The following NWD2 variants were observed in gnomAD, a reference collection of about 807,000 sequenced individuals.
NWD2 encodes NACHT and WD repeat domain containing 2.
NWD2 carries 37 observed loss-of-function variants against 132.7 expected under a neutral mutation model. That is an observed-to-expected ratio of 0.28 (90% CI 0.21 to 0.37). The LOEUF (loss-of-function observed/expected upper bound fraction) is 0.37. Ranked by LOEUF, NWD2 falls within the 10% of genes least tolerant of loss-of-function variation. The pLI, the probability that NWD2 is intolerant of heterozygous loss-of-function variation, is 1.00. For synonymous variants in NWD2, 705 were observed against 803.0 expected (o/e 0.88, Z 2.06); for missense variants, 1,592 against 2,122.4 (o/e 0.75, Z 4.91).
rs948327530 is a variant in NWD2, at chr4:37,448,655, G to A, written c.*1438G>A. On this transcript the variant is annotated 3_prime_UTR_variant, in exon 7 of 7. Coordinates refer to ENST00000309447, the MANE Select transcript of NWD2 (RefSeq NM_001144990.2). Reference sequence around the variant, plus strand: ...AGAAGTAACACTTTACTAGAATAATGAACAAGGAATTGATTTGCTCTAGGC... The same window carrying A: ...AGAAGTAACACTTTACTAGAATAATAAACAAGGAATTGATTTGCTCTAGGC... 6.6e-6 allele frequency: 1 copy of A among 152,146 alleles called. No individual in the cohort carries two copies. Among genetic ancestry groups the A allele is most frequent in the Non-Finnish European group, 1.5e-5 (1 of 68,004 alleles). The allele number at this position is 152,146 out of a possible 1,614,324, so 9.4% of individuals were successfully genotyped here.
intron 3 of NWD2, among the ~76,000 whole-genome samples, chr4:37,377,731 C>CA (rs552600054): frequency 2.0e-5 from 3 of 150,352 alleles, no homozygotes; most frequent in Admixed American, 2.0e-4. Context: ...AACTCCATCT[C>CA]AAAAAAAAGA....
intron 1 of NWD2, among the ~76,000 whole-genome samples, chr4:37,322,323 G>A (rs1184236251): frequency 6.6e-6 from 1 of 152,176 alleles, no homozygotes; most frequent in African/African-American, 2.4e-5. Context: ...AGTGACTTCT[G>A]TAGATGGAGT....
At chr4:37,276,078 C>G (rs1383715147) in intron 1 of NWD2, among the ~76,000 whole-genome samples, 3 of 152,052 alleles carry the variant, frequency 2.0e-5, no homozygotes, top group Admixed American at 6.5e-5. Flanking sequence ...GCAATGGCAA[C>G]AAAAGCCAAC....
rs112793768 is a variant in NWD2 at position 37,354,037 on chromosome 4, C to T, written c.241-2329C>T. Among the ~76,000 whole-genome samples, 485 of 152,142 alleles carry T rather than the reference C, an allele frequency of 3.2e-3. 3 individuals are homozygous for T. Among genetic ancestry groups the T allele is most frequent in the African/African-American group, 0.011 (471 of 41,528 alleles). On this transcript the variant is annotated intron_variant, in intron 2 of 6. Coordinates refer to ENST00000309447, the MANE Select transcript of NWD2 (RefSeq NM_001144990.2). ...CCTTAGGGTGGGGTGTGTGGACATC[C>T]TTTTTGTTGATGTTGATGCTATTCC... is the stretch of plus-strand genomic sequence containing the variant.
chr4:37,380,241 A>G (rs938118965), intron 3 of NWD2, among the ~76,000 whole-genome samples: 6 of 152,234 alleles, frequency 3.9e-5, no homozygotes, highest in Non-Finnish European at 8.8e-5. Flanking sequence ...GTTTGACGAT[A>G]AAGTCCGGAC....
intron 2 of NWD2, among the ~76,000 whole-genome samples, chr4:37,355,502 T>C (rs1236298571): frequency 6.6e-6 from 1 of 152,012 alleles, no homozygotes; most frequent in East Asian, 1.9e-4. Context: ...TCTCACCAAA[T>C]GCCGTGCAAG....
At chr4:37,310,726 G>T (rs1319645861) in intron 1 of NWD2, among the ~76,000 whole-genome samples, 8 of 150,566 alleles carry the variant, frequency 5.3e-5, no homozygotes, top group African/African-American at 1.7e-4. Flanking sequence ...CTGGTGTGCT[G>T]CACCCATTAA....
intron 3 of NWD2, among the ~76,000 whole-genome samples, chr4:37,372,760 A>G (rs1720255245): frequency 6.6e-6 from 1 of 152,192 alleles, no homozygotes; most frequent in Non-Finnish European, 1.5e-5. Flanking sequence ...AGTCACACCT[A>G]TGTGCCAGTG....
At chr4:37,415,931 A>T (rs1252522013) in intron 3 of NWD2, among the ~76,000 whole-genome samples, 4 of 152,174 alleles carry the variant, frequency 2.6e-5, no homozygotes, top group Non-Finnish European at 5.9e-5. Flanking sequence ...CCTTCCTCCT[A>T]GGCCTGTCTG....
intron 3 of NWD2, among the ~76,000 whole-genome samples, chr4:37,359,856 A>G (rs1719944301): frequency 7.3e-6 from 1 of 136,306 alleles, no homozygotes; most frequent in South Asian, 2.3e-4. Flanking sequence ...TGTTTTACAC[A>G]CATGTTTTTG....
chr4:37,389,717 T>C (rs1353315856), intron 3 of NWD2, among the ~76,000 whole-genome samples: 1 of 152,192 alleles, frequency 6.6e-6, no homozygotes, highest in African/African-American at 2.4e-5. Context: ...ACTTACATTT[T>C]TTCTAACAGC....
intron 1 of NWD2, among the ~76,000 whole-genome samples, chr4:37,252,091 A>G (rs1019139581): frequency 6.6e-6 from 1 of 152,232 alleles, no homozygotes; most frequent in Non-Finnish European, 1.5e-5. Context: ...GGCTTTCCCG[A>G]TAATGAATAG....
chr4:37,282,463 G>C (rs573002564), intron 1 of NWD2, among the ~76,000 whole-genome samples: 88 of 152,182 alleles, frequency 5.8e-4, no homozygotes, highest in Non-Finnish European at 1.1e-3. Flanking sequence ...AGAGTTTGTA[G>C]GTATAAAAAT....
At chr4:37,287,648 G>A (rs1430034740) in intron 1 of NWD2, among the ~76,000 whole-genome samples, 1 of 152,152 alleles carries the variant, frequency 6.6e-6, no homozygotes, top group African/African-American at 2.4e-5. Context: ...ATCTCCCTGG[G>A]CATGAGCCCC....
chr4:37,372,423 C>A (rs1439193960), intron 3 of NWD2, among the ~76,000 whole-genome samples: 2 of 152,074 alleles, frequency 1.3e-5, no homozygotes, highest in Non-Finnish European at 2.9e-5. Flanking sequence ...TAGTAAGGAG[C>A]GATGTAAGGC....
chr4:37,259,646 AC>A (rs1717589384), intron 1 of NWD2, among the ~76,000 whole-genome samples: 1 of 152,118 alleles, frequency 6.6e-6, no homozygotes, highest in Non-Finnish European at 1.5e-5. Flanking sequence ...CTACCCTGTT[AC>A]TTTACCCCAG....
chr4:37,415,889 T>C (rs1272540841), intron 3 of NWD2, among the ~76,000 whole-genome samples: 1 of 152,154 alleles, frequency 6.6e-6, no homozygotes, highest in Non-Finnish European at 1.5e-5. Flanking sequence ...TTTCCCTCCG[T>C]CAAGTTCTCA....
At chr4:37,363,849 C>T (rs1468749404) in intron 3 of NWD2, among the ~76,000 whole-genome samples, 3 of 151,948 alleles carry the variant, frequency 2.0e-5, no homozygotes, top group African/African-American at 4.8e-5. Flanking sequence ...GACGGCCGGG[C>T]GCAGTGGCTC....
chr4:37,281,665 T>C (rs1718132908), intron 1 of NWD2, among the ~76,000 whole-genome samples: 1 of 152,110 alleles, frequency 6.6e-6, no homozygotes, highest in Admixed American at 6.6e-5. Context: ...AAATTTTAAG[T>C]AGCATGCTCA....
Sources: allele counts gnomAD v4.1 joint callset (sites outside exome capture counted in the v4.1 genomes callset), GRCh38; gene constraint gnomAD v4.1.1; transcripts MANE v1.5; gene names NCBI Gene and HGNC (gene_info 2026-07-23, HGNC 2026-07-21).